Variants in WFDC13 observed in about 807,000 individuals in gnomAD.
The protein encoded by WFDC13 is WAP four-disulfide core domain 13, also known as WAP four-disulfide core domain protein 13.
In WFDC13, 6 loss-of-function variants were observed where a neutral mutation model predicts 10.9. The observed-to-expected ratio is 0.55, with a 90% CI of 0.30 to 1.09. The LOEUF (loss-of-function observed/expected upper bound fraction) is 1.09. WFDC13 is among the 50% of genes least tolerant of loss of function. WFDC13 has a pLI of 0.06. For synonymous variants in WFDC13, 38 were observed against 39.5 expected (o/e 0.96, Z 0.14); for missense variants, 104 against 109.6 (o/e 0.95, Z 0.23).
At chr20:45,707,037 T>C (rs1464856654) in intron 3 of WFDC13, among the ~76,000 whole-genome samples, 2 of 152,240 alleles carry the variant, frequency 1.3e-5, no homozygotes, top group Non-Finnish European at 2.9e-5. Flanking sequence ...AGGAGCGTGA[T>C]AAATAGTAGC....
intron 2 of WFDC13, 64 bp downstream of exon 2, chr20:45,704,658 C>A: frequency 1.3e-6 from 2 of 1,576,434 alleles, no homozygotes; most frequent in South Asian, 1.2e-5. Context: ...GCAGAAGAGT[C>A]CCTTACCAGC....
intron 2 of WFDC13, chr20:45,704,925 T>G: frequency 6.2e-7 from 1 of 1,614,094 alleles, no homozygotes; most frequent in Non-Finnish European, 8.5e-7. Flanking sequence ...TACCTGCAGG[T>G]GTAACCAAAA....
chr20:45,704,940 A>G (rs758552294), intron 2 of WFDC13: 2 of 1,613,956 alleles, frequency 1.2e-6, no homozygotes, highest in Admixed American at 1.7e-5. Context: ...CCAAAATCCC[A>G]AAGCAAAATT....
intron 1 of WFDC13, among the ~76,000 whole-genome samples, chr20:45,704,079 T>C (rs530941562): frequency 1.3e-5 from 2 of 152,326 alleles, no homozygotes; most frequent in South Asian, 2.1e-4. Context: ...GACCACACAA[T>C]GAATCAGTGC....
In WFDC13 at chr20:45,705,859, A is replaced by G. The variant is rs746192099; in HGVS notation, c.240-4A>G. On this transcript the variant is annotated splice_region_variant and splice_polypyrimidine_tract_variant and intron_variant, in intron 2 of 3. Transcript: ENST00000305479. ...TAATATTTGAAAATATTTTTCTTCT[A>G]CAGAATCAAACACAAGGGCTCAGAA... is the stretch of plus-strand genomic sequence containing the variant. 7 of 1,613,206 alleles carry G rather than the reference A, an allele frequency of 4.3e-6. No homozygotes were observed. In the Admixed American group the frequency reaches 1.2e-4, roughly 27 times the overall value.
chr20:45,705,005 G>A (rs1175505678), intron 2 of WFDC13: 2 of 1,613,836 alleles, frequency 1.2e-6, no homozygotes, highest in East Asian at 2.2e-5. Flanking sequence ...TTGGCCACCA[G>A]TGTTCTTGGG....
chr20:45,705,812 CTAAAAG>C (rs1290879904), intron 2 of WFDC13, 45 bp from the exon 3 acceptor site: 26 of 1,551,478 alleles, frequency 1.7e-5, no homozygotes, highest in Non-Finnish European at 2.2e-5. Flanking sequence ...ATATATATCT[CTAAAAG>C]TAAAACTTCA....
chr20:45,705,293 A>G, intron 2 of WFDC13: 1 of 399,584 alleles, frequency 2.5e-6, no homozygotes, highest in Admixed American at 3.8e-5. Context: ...CTCACAGTGG[A>G]AGACTCAACC....
intron 1 of WFDC13, 33 bp from the exon 2 acceptor site, chr20:45,704,411 T>C (rs1198715522): frequency 6.3e-7 from 1 of 1,594,826 alleles, no homozygotes; most frequent in Non-Finnish European, 8.5e-7. Flanking sequence ...AGCCTGTTGG[T>C]GAGGCCCTTC....
At chr20:45,704,299 A>C in intron 1 of WFDC13, 145 bp from the exon 2 acceptor site, 1 of 1,050,258 alleles carries the variant, frequency 9.5e-7, no homozygotes, top group Non-Finnish European at 1.3e-6. Context: ...GCAGCAGCTG[A>C]GGACAAAACC....
intron 1 of WFDC13, among the ~76,000 whole-genome samples, 188 bp from the exon 2 acceptor site, chr20:45,704,256 T>C (rs1984293844): frequency 6.6e-6 from 1 of 152,174 alleles, no homozygotes; most frequent in Admixed American, 6.5e-5. Context: ...AAAATATCCA[T>C]GCCCTGCTTC....
intron 1 of WFDC13, 40 bp downstream of exon 1, chr20:45,702,251 T>A: frequency 6.3e-7 from 1 of 1,579,896 alleles, no homozygotes; most frequent in Non-Finnish European, 8.6e-7. Context: ...AAGTAACATG[T>A]GTGGATAGGA....
chr20:45,702,231 C>T lies in WFDC13; in HGVS notation c.88+20C>T, dbSNP rs748030919. The T allele has an allele frequency of 1.4e-5, 22 of 1,604,570 alleles. No individual in the cohort carries two copies. In the East Asian group the frequency reaches 4.7e-4, roughly 34 times the overall value. On this transcript the variant is annotated intron_variant, in intron 1 of 3. Transcript: ENST00000305479. Reference sequence around the variant, plus strand: ...TTCTGAGTAGGTGCTGGATCTGGGCCCAAGGAGGGAAGTAACATGTGTGGA... The same window carrying T: ...TTCTGAGTAGGTGCTGGATCTGGGCTCAAGGAGGGAAGTAACATGTGTGGA...
intron 3 of WFDC13, among the ~76,000 whole-genome samples, 154 bp downstream of exon 3, chr20:45,706,081 G>A (rs1984379873): frequency 6.6e-6 from 1 of 152,098 alleles, no homozygotes; most frequent in East Asian, 1.9e-4. Context: ...CCCCTCCAAG[G>A]GCTATCTTTG....
Sources: gnomAD v4.1 joint callset for allele counts (sites outside exome capture counted in the v4.1 genomes callset) on GRCh38, gnomAD v4.1.1 for gene constraint, MANE v1.5 for transcripts, NCBI Gene and HGNC (gene_info 2026-07-23, HGNC 2026-07-21) for gene names.